Variants in LRRC4C observed in about 807,000 individuals in gnomAD.
LRRC4C encodes the protein leucine-rich repeat-containing protein 4C.
LRRC4C carries 5 observed loss-of-function variants against 33.6 expected under a neutral mutation model. The observed-to-expected ratio is 0.15, with a 90% CI of 0.08 to 0.31. The LOEUF (loss-of-function observed/expected upper bound fraction) is 0.31. Among genes scored for constraint, LRRC4C ranks in the 10% least tolerant of loss-of-function variants. LRRC4C has a pLI of 1.00. For missense variants in LRRC4C, 560 were observed against 796.7 expected, an observed-to-expected ratio of 0.70 and a Z score of 3.58; for synonymous variants, 329 against 302.0, an observed-to-expected ratio of 1.09 and a Z score of -0.93.
intron 2 of LRRC4C, among the ~76,000 whole-genome samples, chr11:40,895,383 A>AC (rs1955895503): frequency 1.3e-5 from 2 of 151,994 alleles, no homozygotes; most frequent in African/African-American, 4.8e-5. Context: ...ACCAAAAAAA[A>AC]CCCCAAAATT....
intron 1 of LRRC4C, among the ~76,000 whole-genome samples, chr11:41,162,374 G>A (rs968576691): frequency 1.3e-5 from 2 of 152,052 alleles, no homozygotes; most frequent in African/African-American, 4.8e-5. Flanking sequence ...CAGAGAAGAG[G>A]GGTATTATTT....
At chr11:40,586,472 A>C (rs1378553213) in intron 3 of LRRC4C, among the ~76,000 whole-genome samples, 6 of 148,768 alleles carry the variant, frequency 4.0e-5, no homozygotes, top group African/African-American at 1.5e-4. Flanking sequence ...GAAGCTCTTT[A>C]GTTTAATTAG....
intron 1 of LRRC4C, among the ~76,000 whole-genome samples, chr11:41,407,301 C>CTTTT (rs552180859): frequency 7.5e-6 from 1 of 133,316 alleles, no homozygotes; most frequent in Admixed American, 7.6e-5. Context: ...TGAATTTTTC[C>CTTTT]TTTTTTTTTT....
intron 2 of LRRC4C, among the ~76,000 whole-genome samples, chr11:40,716,930 C>G (rs1465523152): frequency 6.6e-6 from 1 of 152,100 alleles, no homozygotes; most frequent in Non-Finnish European, 1.5e-5. Flanking sequence ...AGTAGGGAAT[C>G]GGAGCTGCCA....
At chr11:40,753,423 A>G (rs1948793115) in intron 2 of LRRC4C, among the ~76,000 whole-genome samples, 1 of 142,704 alleles carries the variant, frequency 7.0e-6, no homozygotes, top group Admixed American at 8.2e-5. Context: ...AAGTACCAGT[A>G]AAAAAAAAAT....
intron 5 of LRRC4C, among the ~76,000 whole-genome samples, chr11:40,188,413 A>G (rs937540557): frequency 6.6e-6 from 1 of 152,242 alleles, no homozygotes; most frequent in Non-Finnish European, 1.5e-5. Context: ...AATCAGGATG[A>G]ATGTTTGTTC....
At chr11:41,383,357 C>A (rs1953230722) in intron 1 of LRRC4C, among the ~76,000 whole-genome samples, 1 of 152,018 alleles carries the variant, frequency 6.6e-6, no homozygotes, top group Admixed American at 6.6e-5. Flanking sequence ...ATCTTAAGGT[C>A]AATCTTAGTT....
At chr11:40,744,778 T>A (rs1303110949) in intron 2 of LRRC4C, among the ~76,000 whole-genome samples, 1 of 152,172 alleles carries the variant, frequency 6.6e-6, no homozygotes, top group Non-Finnish European at 1.5e-5. Context: ...CAAAACTATT[T>A]GACAGCAAAG....
At chr11:40,125,741 G>A (rs963387797) in intron 6 of LRRC4C, among the ~76,000 whole-genome samples, 1 of 152,098 alleles carries the variant, frequency 6.6e-6, no homozygotes, top group Non-Finnish European at 1.5e-5. Context: ...GATTTCTACT[G>A]CAAAATCATT....
At chr11:40,810,515 T>G (rs1162335725) in intron 2 of LRRC4C, among the ~76,000 whole-genome samples, 1 of 152,148 alleles carries the variant, frequency 6.6e-6, no homozygotes, top group Non-Finnish European at 1.5e-5. Flanking sequence ...TCTCTTGAGG[T>G]TAGACTCATT....
intron 3 of LRRC4C, among the ~76,000 whole-genome samples, chr11:40,416,599 T>C (rs538202832): frequency 1.3e-5 from 2 of 152,286 alleles, no homozygotes; most frequent in East Asian, 3.9e-4. Flanking sequence ...CAGAATTAAT[T>C]ATTACAAAAA....
At chr11:40,296,653 A>G (rs959614917) in intron 4 of LRRC4C, among the ~76,000 whole-genome samples, 2 of 152,194 alleles carry the variant, frequency 1.3e-5, no homozygotes, top group African/African-American at 2.4e-5. Context: ...ACCTCACCCA[A>G]AAAGAATTGG....
intron 2 of LRRC4C, among the ~76,000 whole-genome samples, chr11:40,666,276 T>C (rs1209045514): frequency 6.6e-6 from 1 of 152,182 alleles, no homozygotes; most frequent in Non-Finnish European, 1.5e-5. Context: ...TTTAAATTAA[T>C]ATTACATATT....
chr11:41,392,646 G>A (rs1235526545), intron 1 of LRRC4C, among the ~76,000 whole-genome samples: 1 of 151,720 alleles, frequency 6.6e-6, no homozygotes, highest in Non-Finnish European at 1.5e-5. Flanking sequence ...TAGTTAAGAT[G>A]AAGTCATACT....
At chr11:40,753,462 G>T (rs1158436756) in intron 2 of LRRC4C, among the ~76,000 whole-genome samples, 2 of 149,944 alleles carry the variant, frequency 1.3e-5, no homozygotes, top group East Asian at 3.9e-4. Context: ...TGCTTATATT[G>T]TAAAATTCAA....
chr11:41,048,291 G>A (rs1704272642), intron 1 of LRRC4C, among the ~76,000 whole-genome samples: 1 of 128,112 alleles, frequency 7.8e-6, no homozygotes, highest in East Asian at 2.4e-4. Context: ...TGGAGATAGA[G>A]TCTCACTCTG....
At chr11:41,429,509 G>C (rs1227193716) in intron 1 of LRRC4C, among the ~76,000 whole-genome samples, 1 of 152,164 alleles carries the variant, frequency 6.6e-6, no homozygotes, top group African/African-American at 2.4e-5. Flanking sequence ...CAATAGGTTT[G>C]ATGAAGAAGA....
intron 1 of LRRC4C, among the ~76,000 whole-genome samples, chr11:40,957,878 C>G (rs1236505238): frequency 1.3e-5 from 2 of 151,608 alleles, no homozygotes; most frequent in Non-Finnish European, 3.0e-5. Flanking sequence ...AGCTTTGTGG[C>G]TGCTATGGTC....
chr11:40,349,938 A>G (rs1034529278), intron 3 of LRRC4C, among the ~76,000 whole-genome samples: 3 of 152,058 alleles, frequency 2.0e-5, no homozygotes, highest in African/African-American at 7.2e-5. Context: ...AAATCAGATT[A>G]TAAGATTTTT....
Sources: gnomAD v4.1 joint callset for allele counts (sites outside exome capture counted in the v4.1 genomes callset) on GRCh38, gnomAD v4.1.1 for gene constraint, MANE v1.5 for transcripts, NCBI Gene and HGNC (gene_info 2026-07-23, HGNC 2026-07-21) for gene names.